The following HIF3A variants were observed in gnomAD, a reference collection of about 807,000 sequenced individuals.
HIF3A encodes the protein hypoxia inducible factor 3 subunit alpha.
In HIF3A, 41 loss-of-function variants were observed where a neutral mutation model predicts 67.2. The observed-to-expected ratio is 0.61, with a 90% confidence interval of 0.48 to 0.79. HIF3A has a LOEUF of 0.79. Among genes scored for constraint, HIF3A ranks in the 30% least tolerant of loss-of-function variants. The probability of loss-of-function intolerance (pLI) is 0.00; values close to 1 mark genes in which losing one functional copy is unlikely to be tolerated. For missense variants in HIF3A, 855 were observed against 898.0 expected (o/e 0.95, Z 0.61); for synonymous variants, 356 against 374.8 (o/e 0.95, Z 0.58).
chr19:46,323,016 C>T (rs11879809), intron 10 of HIF3A, among the ~76,000 whole-genome samples: 2,987 of 150,848 alleles, frequency 0.02, 90 homozygotes, highest in African/African-American at 0.068. Context: ...CCCAGGGTAT[C>T]GGGCAGGACC....
chr19:46,299,822 G>A (rs1968177897), intron 1 of HIF3A, among the ~76,000 whole-genome samples: 1 of 152,086 alleles, frequency 6.6e-6, no homozygotes, highest in African/African-American at 2.4e-5. Context: ...AGACGGTGGG[G>A]GGCGGGACAC....
chr19:46,299,583 G>A lies in HIF3A; in HGVS notation c.26+2481G>A, dbSNP rs184518504. Among the ~76,000 whole-genome samples, 513 of 152,004 alleles carry A rather than the reference G, an allele frequency of 3.4e-3. 7 individuals carry two copies. The highest frequency in any genetic ancestry group is 0.012 in the African/African-American group (495 of 41,450). On this transcript the variant is annotated intron_variant, in intron 1 of 14. Coordinates refer to ENST00000377670, the MANE Select transcript of HIF3A (RefSeq NM_152795.4). ...GCAAATTAGCCAGGCATGGTGGTGA[G>A]TGTCTGTAGTCCCAGCTACTCAGGA...
chr19:46,334,814 C>G (rs771733526), intron 13 of HIF3A, 91 bp from the exon 14 acceptor site: 134 of 1,074,810 alleles, frequency 1.2e-4, no homozygotes, highest in Non-Finnish European at 8.9e-5. Context: ...CCTCAGCCCC[C>G]GAAAGTGCTG....
intron 4 of HIF3A, 135 bp from the exon 5 acceptor site, chr19:46,308,528 C>T (rs1969111902): frequency 1.5e-6 from 1 of 648,998 alleles, no homozygotes; most frequent in African/African-American, 1.8e-5. Context: ...CATACTACCC[C>T]TGGGGGACCC....
In HIF3A at chr19:46,336,339, A is replaced by G. The variant is rs543225282; in HGVS notation, c.1912+1353A>G. 6.7e-5 allele frequency among the ~76,000 whole-genome samples: 10 copies of G among 148,364 alleles called. No individual in the cohort carries two copies. The South Asian group carries it at 2.1e-3, about 32-fold the overall frequency. On this transcript the variant is annotated intron_variant, in intron 14 of 14. Transcript: ENST00000377670. ...AATCTCCTAACCTCATGATCCGCCC[A>G]CCTCGGCCTCCCAGAGTGCTGGGAT...
chr19:46,298,425 C>T (rs1174116077), intron 1 of HIF3A: 3 of 1,288,716 alleles, frequency 2.3e-6, no homozygotes, highest in South Asian at 1.2e-5. Context: ...CGTGCGCACC[C>T]ACTCGTAACT....
intron 6 of HIF3A, among the ~76,000 whole-genome samples, chr19:46,309,979 C>A (rs1437036070): frequency 1.3e-5 from 2 of 152,148 alleles, no homozygotes; most frequent in Non-Finnish European, 2.9e-5. Flanking sequence ...AATCCCAGCA[C>A]TTTGGGAGGC....
intron 8 of HIF3A, among the ~76,000 whole-genome samples, chr19:46,319,230 G>T (rs1412747448): frequency 2.6e-5 from 4 of 152,182 alleles, no homozygotes; most frequent in African/African-American, 7.2e-5. Flanking sequence ...GTGTGTGCTT[G>T]TATCTTTCAG....
rs554233383 is a variant in HIF3A at position 46,312,020 on chromosome 19, C to G, written c.771-141C>G. The G allele has an allele frequency of 3.3e-5, 26 of 781,320 alleles. 1 individual carries two copies. The South Asian group carries it at 3.4e-4, about 10-fold the overall frequency. The allele number at this position is 781,320 out of a possible 1,614,324, so 48.4% of individuals were successfully genotyped here. On this transcript the variant is annotated intron_variant, in intron 6 of 14. Transcript: ENST00000377670. ...CCACCACACTCCTCTTGTTCTGTTT[C>G]TTACTCCTTTTCTCTCGGTTACAAT...
chr19:46,335,100 T>A, intron 14 of HIF3A, 114 bp downstream of exon 14: 2 of 737,070 alleles, frequency 2.7e-6, no homozygotes, highest in East Asian at 5.6e-5. Context: ...GGAGGTGACC[T>A]TGGTGGAAAC....
At chr19:46,309,432 TTTCTCTCTCTCC>T (rs1405192544) in intron 6 of HIF3A, 73 bp downstream of exon 6, 7 of 848,736 alleles carry the variant, frequency 8.2e-6, no homozygotes, top group African/African-American at 5.1e-5. Context: ...CACTCCCGCA[TTTCTCTCTCTCC>T]TTCTCTCTCT....
At chr19:46,312,678 G>C in intron 8 of HIF3A, 25 bp downstream of exon 8, 1 of 1,539,982 alleles carries the variant, frequency 6.5e-7, no homozygotes, top group East Asian at 2.3e-5. Context: ...GGGCTGGGGT[G>C]GCTGTGTGTG....
intron 1 of HIF3A, among the ~76,000 whole-genome samples, chr19:46,302,374 C>T (rs546107909): frequency 6.6e-6 from 1 of 152,224 alleles, no homozygotes; most frequent in Admixed American, 6.5e-5. Context: ...TCGTGATCCG[C>T]CCGCCTCGGC....
chr19:46,335,575 A>AT (rs1254279917), intron 14 of HIF3A, among the ~76,000 whole-genome samples: 4 of 151,548 alleles, frequency 2.6e-5, no homozygotes, highest in African/African-American at 9.7e-5. Context: ...CAGCCTAAAA[A>AT]TTTTTTTTTA....
At chr19:46,312,350 C>A (rs776096601) in intron 7 of HIF3A, 83 bp downstream of exon 7, 1 of 1,611,476 alleles carries the variant, frequency 6.2e-7, no homozygotes, top group Non-Finnish European at 8.5e-7. Context: ...TCCCCATACC[C>A]CAGGATGCAC....
At chr19:46,306,415 T>C (rs1175373269) in intron 3 of HIF3A, 1 of 152,172 alleles carries the variant, frequency 6.6e-6, no homozygotes, top group East Asian at 1.9e-4. Flanking sequence ...GCAGGGACCA[T>C]GGGGATGGAA....
Position 46,304,102 on chromosome 19 carries a change from G to A in HIF3A, c.217+14G>A, listed in dbSNP as rs1236909361. 6.5e-7 allele frequency: 1 copy of A among 1,547,994 alleles called. No individual in the cohort carries two copies. The highest frequency in any genetic ancestry group is 8.7e-7 in the Non-Finnish European group (1 of 1,148,312). ...TCTGCGCCGCAGGTGAGCCCCGCCC[G>A]CGGGAATTCCCGTCTTGGTCAGGCC... On this transcript the variant is annotated intron_variant, in intron 2 of 14. Coordinates refer to ENST00000377670, the MANE Select transcript of HIF3A (RefSeq NM_152795.4).
At chr19:46,335,263 T>C (rs746259968) in intron 14 of HIF3A, among the ~76,000 whole-genome samples, 1 of 151,376 alleles carries the variant, frequency 6.6e-6, no homozygotes, top group Non-Finnish European at 1.5e-5. Context: ...TTTATTTATT[T>C]ATTTATTTAT....
chr19:46,328,700 C>T (rs931928725), intron 11 of HIF3A, among the ~76,000 whole-genome samples: 5 of 151,338 alleles, frequency 3.3e-5, no homozygotes, highest in African/African-American at 1.2e-4. Flanking sequence ...AGATTTTGAC[C>T]AATGGTTTCT....
Sources: allele counts gnomAD v4.1 joint callset (sites outside exome capture counted in the v4.1 genomes callset), GRCh38; gene constraint gnomAD v4.1.1; transcripts MANE v1.5; gene names NCBI Gene and HGNC (gene_info 2026-07-23, HGNC 2026-07-21).